FOCAD: variants seen among roughly 807,000 people sequenced by gnomAD.
FOCAD encodes the protein focadhesin.
Under a neutral mutation model 225.6 loss-of-function variants are expected in FOCAD, and 198 were observed. The ratio of observed to expected loss-of-function variants is 0.88; its 90% CI spans 0.78 to 0.99. FOCAD has a LOEUF of 0.99. Ranked by LOEUF, FOCAD falls within the 50% of genes least tolerant of loss-of-function variation. FOCAD has a pLI of 0.00. For synonymous variants in FOCAD, 897 were observed against 755.0 expected, an observed-to-expected ratio of 1.19 and a Z score of -3.08; for missense variants, 2,713 against 2,123.6, an observed-to-expected ratio of 1.28 and a Z score of -5.46.
At chr9:20,756,451 G>A (rs1446771916) in intron 5 of FOCAD, among the ~76,000 whole-genome samples, 1 of 152,160 alleles carries the variant, frequency 6.6e-6, no homozygotes, top group African/African-American at 2.4e-5. Flanking sequence ...CACCCGTGCA[G>A]TAGTTTTTAC....
At chr9:20,723,627 A>C (rs1825965865) in intron 4 of FOCAD, among the ~76,000 whole-genome samples, 1 of 152,246 alleles carries the variant, frequency 6.6e-6, no homozygotes, top group African/African-American at 2.4e-5. Context: ...AGGTCTTATT[A>C]TATTCTATGT....
At chr9:20,963,058 C>A (rs1287524956) in intron 35 of FOCAD, among the ~76,000 whole-genome samples, 2 of 152,156 alleles carry the variant, frequency 1.3e-5, no homozygotes, top group Non-Finnish European at 1.5e-5. Context: ...AATATTTTCT[C>A]AATTTCCAAC....
At chr9:20,685,234 C>T (rs1338088185) in intron 1 of FOCAD, among the ~76,000 whole-genome samples, 1 of 143,642 alleles carries the variant, frequency 7.0e-6, no homozygotes, top group Non-Finnish European at 1.5e-5. Flanking sequence ...TCTAGTATCC[C>T]TGAAACCATC....
Position 20,992,007 on chromosome 9 carries a change from T to G in FOCAD, c.5257-1246T>G, listed in dbSNP as rs115452099. 6.7e-3 allele frequency among the ~76,000 whole-genome samples: 1,014 copies of G among 152,168 alleles called. 13 individuals are homozygous for G. Among genetic ancestry groups the G allele is most frequent in the African/African-American group, 0.023 (957 of 41,524 alleles). ...AAAGGAAAATCAACAAAGAAAAAAA[T>G]TTTTGATTAAAGCAGGGAATTAGGA... is the stretch of plus-strand genomic sequence containing the variant. On this transcript the variant is annotated intron_variant, in intron 42 of 43. Transcript: ENST00000338382.
chr9:20,707,842 T>A (rs1420530980), intron 1 of FOCAD, among the ~76,000 whole-genome samples: 1 of 152,160 alleles, frequency 6.6e-6, no homozygotes, highest in Non-Finnish European at 1.5e-5. Context: ...GGCAGTTGGA[T>A]TTTTTAAGCC....
intron 1 of FOCAD, among the ~76,000 whole-genome samples, chr9:20,713,564 A>G (rs1431620558): frequency 6.6e-6 from 1 of 152,078 alleles, no homozygotes; most frequent in Non-Finnish European, 1.5e-5. Context: ...TTTATGTATT[A>G]TTTGTTTAAA....
intron 1 of FOCAD, among the ~76,000 whole-genome samples, chr9:20,687,671 C>T (rs987831065): frequency 6.6e-6 from 1 of 152,158 alleles, no homozygotes; most frequent in African/African-American, 2.4e-5. Flanking sequence ...TTTTTAAAGA[C>T]TCATAGTTAT....
At position 20,904,013 on chromosome 9, in the gene FOCAD, A is replaced by G. The variant is rs1709367015; in HGVS notation, c.2626-3137A>G. ...TATTTCATATAAGTGACATCATATAACACGTGACCATTTGTGCCTGACTTC... is the reference window on the plus strand; with the variant it reads ...TATTTCATATAAGTGACATCATATAGCACGTGACCATTTGTGCCTGACTTC... On this transcript the variant is annotated intron_variant, in intron 21 of 43. Transcript: ENST00000338382. Among the ~76,000 whole-genome samples, 5 of 151,932 alleles carry G rather than the reference A, an allele frequency of 3.3e-5. No individual in the cohort carries two copies. In the South Asian group the frequency reaches 1.0e-3, roughly 31 times the overall value.
chr9:20,960,496 G>A (rs554589502), intron 35 of FOCAD, among the ~76,000 whole-genome samples: 11 of 152,094 alleles, frequency 7.2e-5, no homozygotes, highest in African/African-American at 1.4e-4. Flanking sequence ...TATTTTCACC[G>A]ATTAGTTTTA....
intron 15 of FOCAD, among the ~76,000 whole-genome samples, chr9:20,849,094 A>C (rs1292071070): frequency 6.6e-6 from 1 of 151,972 alleles, no homozygotes; most frequent in African/African-American, 2.4e-5. Context: ...TATATAAAAA[A>C]GGATTTTATT....
At chr9:20,876,833 G>C (rs1239429533) in intron 19 of FOCAD, among the ~76,000 whole-genome samples, 1 of 152,152 alleles carries the variant, frequency 6.6e-6, no homozygotes, top group Non-Finnish European at 1.5e-5. Flanking sequence ...AGAAAAGTGG[G>C]TTGTGCTGAA....
At position 20,929,472 on chromosome 9, in the gene FOCAD, A is replaced by T. The variant is rs141796203; in HGVS notation, c.3193A>T (p.Ile1065Phe). The T allele has an allele frequency of 8.7e-6, 14 of 1,613,998 alleles. No individual in the cohort carries two copies. In the African/African-American group the frequency reaches 1.3e-4, roughly 15 times the overall value. The change falls in exon 27 of 44, where the codon ATC becomes TTC. Residue 1065 changes from isoleucine (I) to phenylalanine (F), a missense_variant. Physicochemically the swap from Ile to Phe is conservative, Grantham distance 21. Coordinates refer to ENST00000338382, the MANE Select transcript of FOCAD (RefSeq NM_001375567.1). ...IISCKEKVEE[I>F]LNMLTARLPG... ...CTCTTGCAAAGAGAAGGTTGAGGAA[A>T]TCCTGAACATGCTGACTGCCAGGTT... is the stretch of plus-strand genomic sequence containing the variant.
At chr9:20,742,073 C>T (rs1827667036) in intron 5 of FOCAD, among the ~76,000 whole-genome samples, 1 of 152,172 alleles carries the variant, frequency 6.6e-6, no homozygotes, top group African/African-American at 2.4e-5. Context: ...AGAACATCTT[C>T]ATCATCTCCA....
chr9:20,920,229 C>T (rs1834274388), intron 24 of FOCAD, among the ~76,000 whole-genome samples: 1 of 149,184 alleles, frequency 6.7e-6, no homozygotes, highest in Non-Finnish European at 1.5e-5. Flanking sequence ...CCATCACTGG[C>T]CATCAGAGAA....
intron 15 of FOCAD, among the ~76,000 whole-genome samples, chr9:20,841,483 G>A (rs1313114529): frequency 6.6e-6 from 1 of 151,098 alleles, no homozygotes; most frequent in Non-Finnish European, 1.5e-5. Flanking sequence ...TTCCTAGTTT[G>A]GTCTTGTTGG....
chr9:20,784,686 G>A (rs928242190), intron 10 of FOCAD, among the ~76,000 whole-genome samples: 2 of 152,046 alleles, frequency 1.3e-5, no homozygotes, highest in Non-Finnish European at 2.9e-5. Flanking sequence ...AATTAAATAT[G>A]GTACTTTTGG....
chr9:20,731,960 T>C (rs1826751537), intron 4 of FOCAD, among the ~76,000 whole-genome samples: 1 of 152,156 alleles, frequency 6.6e-6, no homozygotes, highest in African/African-American at 2.4e-5. Context: ...TATTTTATTT[T>C]TTTAAAGTTC....
chr9:20,925,811 A>G (rs1480550401), intron 25 of FOCAD, among the ~76,000 whole-genome samples: 1 of 152,172 alleles, frequency 6.6e-6, no homozygotes, highest in Non-Finnish European at 1.5e-5. Context: ...GAGTTGGGTG[A>G]ATGTTGTCAA....
intron 18 of FOCAD, among the ~76,000 whole-genome samples, chr9:20,868,587 T>C (rs1829488138): frequency 6.6e-6 from 1 of 152,148 alleles, no homozygotes; most frequent in African/African-American, 2.4e-5. Flanking sequence ...TCTTCCAACA[T>C]AAATGGTAAA....
Sources: gnomAD v4.1 joint callset for allele counts (sites outside exome capture counted in the v4.1 genomes callset) on GRCh38, gnomAD v4.1.1 for gene constraint, MANE v1.5 for transcripts, NCBI Gene and HGNC (gene_info 2026-07-23, HGNC 2026-07-21) for gene names.